LRCH1: variants seen among roughly 807,000 people sequenced by gnomAD.
LRCH1 encodes leucine-rich repeat and calponin homology domain-containing protein 1.
A neutral mutation model predicts 94.9 loss-of-function variants in LRCH1; 23 were observed. That is an observed-to-expected ratio of 0.24 (90% CI 0.17 to 0.34). The LOEUF (loss-of-function observed/expected upper bound fraction) is 0.34, where lower values mean the gene tolerates loss of function less well. Among genes scored for constraint, LRCH1 ranks in the 10% least tolerant of loss-of-function variants. LRCH1 has a pLI of 1.00. For synonymous variants in LRCH1, 364 were observed against 354.9 expected, an observed-to-expected ratio of 1.03 and a Z score of -0.29; for missense variants, 790 against 945.9, an observed-to-expected ratio of 0.84 and a Z score of 2.16.
At chr13:46,625,149 T>G (rs1262748483) in intron 1 of LRCH1, among the ~76,000 whole-genome samples, 1 of 152,250 alleles carries the variant, frequency 6.6e-6, no homozygotes, top group East Asian at 1.9e-4. Flanking sequence ...AGTGGCGCCC[T>G]GTTGGCACGT....
chr13:46,674,864 C>T (rs1042277826), intron 3 of LRCH1, among the ~76,000 whole-genome samples: 1 of 152,224 alleles, frequency 6.6e-6, no homozygotes, highest in Admixed American at 6.5e-5. Context: ...TCAGCGTCCT[C>T]ACCACAATAC....
intron 1 of LRCH1, among the ~76,000 whole-genome samples, chr13:46,620,051 T>C (rs963998532): frequency 6.6e-6 from 1 of 152,226 alleles, no homozygotes; most frequent in African/African-American, 2.4e-5. Context: ...TATTCGTATT[T>C]GATTGTTAAA....
At chr13:46,580,598 A>C (rs2050354203) in intron 1 of LRCH1, among the ~76,000 whole-genome samples, 1 of 152,196 alleles carries the variant, frequency 6.6e-6, no homozygotes, top group Non-Finnish European at 1.5e-5. Context: ...CAATTGATTC[A>C]CCTTTTGTAG....
intron 1 of LRCH1, among the ~76,000 whole-genome samples, chr13:46,631,403 G>A (rs2051015940): frequency 6.6e-6 from 1 of 152,160 alleles, no homozygotes; most frequent in African/African-American, 2.4e-5. Context: ...TTCCCAGCAA[G>A]CCATGAAGCA....
At chr13:46,622,460 G>A (rs906956608) in intron 1 of LRCH1, among the ~76,000 whole-genome samples, 2 of 152,174 alleles carry the variant, frequency 1.3e-5, no homozygotes, top group African/African-American at 4.8e-5. Flanking sequence ...TTAAAAATCA[G>A]TGCAAATCCT....
At chr13:46,593,036 A>G (rs1162987785) in intron 1 of LRCH1, among the ~76,000 whole-genome samples, 1 of 151,576 alleles carries the variant, frequency 6.6e-6, no homozygotes, top group African/African-American at 2.4e-5. Flanking sequence ...CTCTGCCCCA[A>G]TGTAGCCTTT....
intron 1 of LRCH1, among the ~76,000 whole-genome samples, chr13:46,557,774 C>T (rs1220466987): frequency 6.6e-6 from 1 of 151,856 alleles, no homozygotes; most frequent in Non-Finnish European, 1.5e-5. Context: ...ACCCAGGAGG[C>T]GGAGGTTGCA....
In LRCH1 at chr13:46,669,035, A is replaced by G; in HGVS notation, c.458A>G (p.Asn153Ser). Residue 153 changes from asparagine to serine, a missense_variant, in exon 3 of 20, where the codon AAT becomes AGT. Asn to Ser is a conservative substitution (Grantham distance 46). This residue lies in a region of LRCH1 where 194 missense variants were observed against 293.5 expected (regional missense o/e 0.66). Transcript: ENST00000389797. ...QMLTYLNLSRNQLSALPACLC... is the reference protein window; with the variant it reads ...QMLTYLNLSRSQLSALPACLC... ...TTGTTGTATTGTCTTTGCAGTCGAAATCAGCTGTCCGCCCTGCCTGCCTGC... is the reference window on the plus strand; with the variant it reads ...TTGTTGTATTGTCTTTGCAGTCGAAGTCAGCTGTCCGCCCTGCCTGCCTGC... 1 of 1,613,826 alleles carries G rather than the reference A, an allele frequency of 6.2e-7. No homozygotes were observed. The highest frequency in any genetic ancestry group is 8.5e-7 in the Non-Finnish European group (1 of 1,179,884).
At chr13:46,573,577 C>T (rs2050264518) in intron 1 of LRCH1, among the ~76,000 whole-genome samples, 1 of 152,018 alleles carries the variant, frequency 6.6e-6, no homozygotes, top group African/African-American at 2.4e-5. Flanking sequence ...TCATTTGCAA[C>T]CACATGGATA....
chr13:46,739,060 A>C (rs1356496880), intron 19 of LRCH1, among the ~76,000 whole-genome samples: 1 of 152,216 alleles, frequency 6.6e-6, no homozygotes, highest in African/African-American at 2.4e-5. Context: ...TTGACTTTTT[A>C]TATTAAGATT....
chr13:46,696,280 G>C (rs190511580), intron 9 of LRCH1, among the ~76,000 whole-genome samples: 13 of 151,990 alleles, frequency 8.6e-5, no homozygotes, highest in Admixed American at 8.5e-4. Flanking sequence ...CAAATCTAAT[G>C]ACATTCCTCT....
At chr13:46,669,604 G>A (rs4941566) in intron 3 of LRCH1, among the ~76,000 whole-genome samples, 80,447 of 151,952 alleles carry the variant, frequency 0.53, 22,045 homozygotes, top group South Asian at 0.62. Context: ...GTCGCAAATC[G>A]TTGTAATTTT....
chr13:46,562,292 G>A (rs751923382), intron 1 of LRCH1, among the ~76,000 whole-genome samples: 1 of 152,150 alleles, frequency 6.6e-6, no homozygotes, highest in Non-Finnish European at 1.5e-5. Context: ...TCCTCAGACT[G>A]GGTGGCTTAG....
intron 3 of LRCH1, among the ~76,000 whole-genome samples, chr13:46,672,369 G>T (rs17068595): frequency 0.066 from 9,997 of 151,954 alleles, 418 homozygotes; most frequent in East Asian, 0.21. Flanking sequence ...GTCCCGTGCA[G>T]ATGGGTGGCA....
chr13:46,585,484 C>T (rs1353421942), intron 1 of LRCH1, among the ~76,000 whole-genome samples: 1 of 142,530 alleles, frequency 7.0e-6, no homozygotes, highest in Non-Finnish European at 1.5e-5. Context: ...ATCTGGGAGG[C>T]GGAGCTTTCA....
chr13:46,696,880 G>A (rs1435028019), intron 9 of LRCH1, among the ~76,000 whole-genome samples: 1 of 152,018 alleles, frequency 6.6e-6, no homozygotes. Flanking sequence ...ATCAGCCTGG[G>A]CAACATACTA....
chr13:46,611,389 A>G (rs1189685221), intron 1 of LRCH1, among the ~76,000 whole-genome samples: 1 of 152,224 alleles, frequency 6.6e-6, no homozygotes, highest in East Asian at 1.9e-4. Flanking sequence ...GTGGTGTTCA[A>G]GCACCATCGT....
chr13:46,565,522 T>G (rs1408685020), intron 1 of LRCH1, among the ~76,000 whole-genome samples: 1 of 152,054 alleles, frequency 6.6e-6, no homozygotes, highest in East Asian at 1.9e-4. Flanking sequence ...TGATTTAATT[T>G]CTGCTGGGGC....
At chr13:46,748,392 A>G (rs750952090), downstream of LRCH1, among the ~76,000 whole-genome samples, 3 of 152,098 alleles carry the variant, frequency 2.0e-5, no homozygotes, top group Non-Finnish European at 4.4e-5. Flanking sequence ...ACTTAACTGT[A>G]CTTAACAGCC....
Sources: gnomAD v4.1 joint callset for allele counts (sites outside exome capture counted in the v4.1 genomes callset) on GRCh38, gnomAD v4.1.1 for gene constraint, gnomAD v4.1.1 regional missense constraint, MANE v1.5 for transcripts, NCBI Gene and HGNC (gene_info 2026-07-23, HGNC 2026-07-21) for gene names.